JPH1: variants seen among roughly 807,000 people sequenced by gnomAD.
The protein encoded by JPH1 is junctophilin-1.
Under a neutral mutation model 53.6 loss-of-function variants are expected in JPH1, and 12 were observed. That is an observed-to-expected ratio of 0.22 (90% confidence interval 0.14 to 0.36). JPH1 has a LOEUF of 0.36. JPH1 is among the 10% of genes least tolerant of loss of function. JPH1 has a pLI of 1.00. For synonymous variants in JPH1, 375 were observed against 363.8 expected (o/e 1.03, Z -0.35); for missense variants, 808 against 905.5 (o/e 0.89, Z 1.38).
At chr8:74,279,528 C>G (rs887392387) in intron 2 of JPH1, among the ~76,000 whole-genome samples, 20 of 152,272 alleles carry the variant, frequency 1.3e-4, no homozygotes, top group African/African-American at 4.6e-4. Flanking sequence ...AGTAGCAGCT[C>G]TGCATAGGGG....
intron 2 of JPH1, among the ~76,000 whole-genome samples, chr8:74,294,946 G>A (rs1807462435): frequency 6.6e-6 from 1 of 152,236 alleles, no homozygotes; most frequent in Non-Finnish European, 1.5e-5. Flanking sequence ...TCACAGCATT[G>A]GCAGGGCCAG....
chr8:74,250,136 A>ATT (rs573206811), intron 3 of JPH1, among the ~76,000 whole-genome samples: 6 of 142,962 alleles, frequency 4.2e-5, no homozygotes, highest in East Asian at 2.0e-4. Context: ...GACTAAAAGG[A>ATT]TTTTTTTTTT....
intron 3 of JPH1, 29 bp downstream of exon 3, chr8:74,259,356 C>T (rs1442814718): frequency 2.6e-6 from 4 of 1,509,746 alleles, no homozygotes; most frequent in Non-Finnish European, 2.8e-6. Context: ...AGTGCTCCTG[C>T]CTCACCCATC....
At chr8:74,287,345 G>C (rs1025152651) in intron 2 of JPH1, among the ~76,000 whole-genome samples, 1 of 151,760 alleles carries the variant, frequency 6.6e-6, no homozygotes, top group East Asian at 1.9e-4. Context: ...CGAGAATCGC[G>C]TGAACCTGGG....
At chr8:74,317,112 G>A (rs561286292) in intron 1 of JPH1, among the ~76,000 whole-genome samples, 2 of 152,234 alleles carry the variant, frequency 1.3e-5, no homozygotes, top group South Asian at 2.1e-4. Context: ...TCAAAACACC[G>A]GGCAAAAATG....
intron 2 of JPH1, among the ~76,000 whole-genome samples, chr8:74,299,769 G>A (rs1231480876): frequency 3.3e-5 from 5 of 152,166 alleles, no homozygotes; most frequent in Non-Finnish European, 5.9e-5. Context: ...CTTTGTTGGT[G>A]TATGCCTTCT....
At chr8:74,239,783 C>T (rs561650491) in intron 4 of JPH1, among the ~76,000 whole-genome samples, 5 of 152,086 alleles carry the variant, frequency 3.3e-5, no homozygotes, top group African/African-American at 7.2e-5. Flanking sequence ...TTCCTTTGAG[C>T]ATCATGTTGG....
At chr8:74,308,530 C>A (rs946454518) in intron 2 of JPH1, among the ~76,000 whole-genome samples, 3 of 152,320 alleles carry the variant, frequency 2.0e-5, no homozygotes, top group South Asian at 2.1e-4. Context: ...TTAATTAATT[C>A]ATTCACCAAA....
In JPH1 at chr8:74,321,458, C is replaced by G. The variant is rs927658847; in HGVS notation, c.-171G>C. The stretch of plus-strand genomic sequence containing the variant: ...CGACGCCGCCCCCGTCCTCCCTCCT[C>G]TTTTGCCGCCGCCACCGCCGCCTTC... On this transcript the variant is annotated 5_prime_UTR_variant, in exon 1 of 6. Coordinates refer to ENST00000342232, the MANE Select transcript of JPH1 (RefSeq NM_020647.4). The surrounding 1 kb of genome is among the most constrained non-coding windows in gnomAD (Gnocchi z 4.3). 6 of 585,152 alleles carry G rather than the reference C, an allele frequency of 1.0e-5. No individual in the cohort carries two copies. Among genetic ancestry groups the G allele is most frequent in the African/African-American group, 9.9e-5 (5 of 50,594 alleles). 36.2% of individuals were successfully genotyped at this position (585,152 alleles called of 1,614,324 possible).
At chr8:74,290,809 C>T (rs1391012888) in intron 2 of JPH1, among the ~76,000 whole-genome samples, 1 of 152,044 alleles carries the variant, frequency 6.6e-6, no homozygotes, top group Admixed American at 6.5e-5. Flanking sequence ...CAGAACAGAG[C>T]CCTCAGAAAT....
Position 74,245,181 on chromosome 8 carries a change from C to CAAAAAAAAAAAAAAA in JPH1, c.1259-7_1259-6insTTTTTTTTTTTTTTT, listed in dbSNP as rs148651924. ...CTGTTTGACGTAATCAGGGCCTGGC[C>CAAAAAAAAAAAAAAA]AAAAAAAAAAGAAAAAAGAAAAAAA... is the stretch of plus-strand genomic sequence containing the variant. On this transcript the variant is annotated splice_polypyrimidine_tract_variant and splice_region_variant and intron_variant, in intron 3 of 5. Transcript: ENST00000342232. 8.6e-7 allele frequency: 1 copy of CAAAAAAAAAAAAAAA among 1,157,680 alleles called. No individual in the cohort carries two copies. Among genetic ancestry groups the CAAAAAAAAAAAAAAA allele is most frequent in the African/African-American group, 1.8e-5 (1 of 54,216 alleles). The allele number at this position is 1,157,680 out of a possible 1,614,324, so 71.7% of individuals were successfully genotyped here. A position where few individuals can be genotyped will look rare whatever the true frequency, so the allele number is the denominator to read the frequency against.
chr8:74,312,244 T>C (rs1808017991), intron 2 of JPH1, among the ~76,000 whole-genome samples: 1 of 150,798 alleles, frequency 6.6e-6, no homozygotes, highest in African/African-American at 2.5e-5. Context: ...CCTACCTTCT[T>C]AACAAATTCT....
intron 3 of JPH1, among the ~76,000 whole-genome samples, chr8:74,255,150 T>C (rs199972240): frequency 0.014 from 2,157 of 152,034 alleles, 79 homozygotes; most frequent in African/African-American, 0.05. Context: ...AACTATACTA[T>C]AAGGCTACAG....
At chr8:74,253,302 T>C (rs1317909120) in intron 3 of JPH1, among the ~76,000 whole-genome samples, 4 of 151,906 alleles carry the variant, frequency 2.6e-5, no homozygotes, top group Admixed American at 1.3e-4. Context: ...ACTAGGTACA[T>C]AACGAAATGA....
Position 74,244,612 on chromosome 8 carries a change from T to G in JPH1, c.1822A>C (p.Lys608Gln). 1.9e-6 allele frequency: 3 copies of G among 1,614,232 alleles called. No homozygotes were observed. The highest frequency in any genetic ancestry group is 2.5e-6 in the Non-Finnish European group (3 of 1,180,044). ...ATAGCAAGTTCAGACTTCTTAGCTT[T>G]TGGCTCAGCTTTGCTTTCTTTGGCA... ...PVAKESKAEP[K>Q]AKKSELAIPK... The change falls in exon 4 of 6, where the codon AAA becomes CAA. Residue 608 changes from lysine (K) to glutamine (Q), a missense_variant. By Grantham distance (53) the Lys-to-Gln change is moderately conservative. Coordinates refer to ENST00000342232, the MANE Select transcript of JPH1 (RefSeq NM_020647.4).
chr8:74,284,262 C>A (rs942391096), intron 2 of JPH1, among the ~76,000 whole-genome samples: 7 of 152,174 alleles, frequency 4.6e-5, no homozygotes, highest in Admixed American at 1.3e-4. Context: ...CATTCTTATT[C>A]AAATTTTTAT....
intron 2 of JPH1, among the ~76,000 whole-genome samples, chr8:74,295,774 C>T (rs990841519): frequency 1.3e-5 from 2 of 152,072 alleles, no homozygotes; most frequent in Non-Finnish European, 2.9e-5. Context: ...ATGGGTCTCT[C>T]GGGTTCTTGC....
At chr8:74,259,853 G>A (rs1158974284) in intron 2 of JPH1, among the ~76,000 whole-genome samples, 4 of 152,200 alleles carry the variant, frequency 2.6e-5, no homozygotes, top group African/African-American at 9.7e-5. Flanking sequence ...AGTAGAATTA[G>A]AACATATAAA....
intron 3 of JPH1, among the ~76,000 whole-genome samples, chr8:74,254,857 AAGG>A (rs1237791571): frequency 6.6e-6 from 1 of 152,152 alleles, no homozygotes; most frequent in Non-Finnish European, 1.5e-5. Flanking sequence ...GGACCTCTTC[AAGG>A]AGAACTACAA....
Sources: gnomAD v4.1 joint callset for allele counts (sites outside exome capture counted in the v4.1 genomes callset) on GRCh38, gnomAD v4.1.1 for gene constraint, Gnocchi (gnomAD v3.1) non-coding constraint, MANE v1.5 for transcripts, NCBI Gene and HGNC (gene_info 2026-07-23, HGNC 2026-07-21) for gene names.